Variants in DNER observed in about 807,000 individuals in gnomAD.
DNER encodes delta/notch like EGF repeat containing.
A neutral mutation model predicts 78.2 loss-of-function variants in DNER; 33 were observed. The ratio of observed to expected loss-of-function variants is 0.42; its 90% CI spans 0.32 to 0.56. The LOEUF (loss-of-function observed/expected upper bound fraction) is 0.56. DNER is among the 20% of genes least tolerant of loss of function. The pLI, the probability that DNER is intolerant of heterozygous loss-of-function variation, is 0.11. For synonymous variants in DNER, 417 were observed against 384.8 expected, an observed-to-expected ratio of 1.08 and a Z score of -0.98; for missense variants, 918 against 975.3, an observed-to-expected ratio of 0.94 and a Z score of 0.78.
chr2:229,653,301 T>G (rs1698852651), intron 1 of DNER, among the ~76,000 whole-genome samples: 1 of 152,218 alleles, frequency 6.6e-6, no homozygotes, highest in African/African-American at 2.4e-5. Flanking sequence ...ACACCTCTGC[T>G]GGGCAGAGCA....
intron 1 of DNER, among the ~76,000 whole-genome samples, chr2:229,622,082 T>C (rs1399593203): frequency 2.0e-5 from 3 of 152,124 alleles, no homozygotes; most frequent in South Asian, 2.1e-4. Flanking sequence ...CGAGACTCCG[T>C]CTCAAAAAAA....
intron 1 of DNER, among the ~76,000 whole-genome samples, chr2:229,610,963 A>G (rs758619617): frequency 5.3e-5 from 8 of 152,256 alleles, no homozygotes; most frequent in Non-Finnish European, 8.8e-5. Flanking sequence ...TTCACAAACT[A>G]CTAGCTAGAA....
chr2:229,600,988 G>A (rs1475822208), intron 1 of DNER, among the ~76,000 whole-genome samples: 1 of 152,184 alleles, frequency 6.6e-6, no homozygotes, highest in African/African-American at 2.4e-5. Context: ...ATTGCCACCT[G>A]GAGGTACTGT....
chr2:229,403,261 T>TTA (rs1693307519), intron 10 of DNER, among the ~76,000 whole-genome samples: 1 of 152,170 alleles, frequency 6.6e-6, no homozygotes, highest in African/African-American at 2.4e-5. Context: ...ACCATACTCC[T>TTA]TGTATGGAAG....
At chr2:229,627,452 A>G (rs1485749810) in intron 1 of DNER, among the ~76,000 whole-genome samples, 2 of 152,204 alleles carry the variant, frequency 1.3e-5, no homozygotes, top group Non-Finnish European at 2.9e-5. Context: ...ACCACTTGGT[A>G]CCCAACCTTT....
chr2:229,702,988 T>C (rs1699773329), intron 1 of DNER, among the ~76,000 whole-genome samples: 1 of 151,978 alleles, frequency 6.6e-6, no homozygotes, highest in Admixed American at 6.6e-5. Flanking sequence ...GGAGGATTCT[T>C]GTCATCTCAA....
chr2:229,366,523 CTGTT>C (rs1212067329), intron 12 of DNER, among the ~76,000 whole-genome samples: 2 of 152,176 alleles, frequency 1.3e-5, no homozygotes, highest in Non-Finnish European at 2.9e-5. Flanking sequence ...TATATGTTGA[CTGTT>C]TGAAGAGCAA....
chr2:229,670,024 C>T (rs565592146), intron 1 of DNER, among the ~76,000 whole-genome samples: 1 of 152,280 alleles, frequency 6.6e-6, no homozygotes, highest in Non-Finnish European at 1.5e-5. Flanking sequence ...GCTGCTGAGC[C>T]AGACTCTGGT....
At chr2:229,543,872 G>A (rs1314205624) in intron 5 of DNER, among the ~76,000 whole-genome samples, 7 of 152,158 alleles carry the variant, frequency 4.6e-5, no homozygotes, top group South Asian at 2.1e-4. Flanking sequence ...TCTTTCTTCC[G>A]TTACCTAACT....
At chr2:229,445,079 TC>T (rs1694313192) in intron 8 of DNER, among the ~76,000 whole-genome samples, 1 of 152,166 alleles carries the variant, frequency 6.6e-6, no homozygotes, top group East Asian at 1.9e-4. Flanking sequence ...TGTTACGACA[TC>T]CAGAGCAGAG....
At position 229,388,262 on chromosome 2, in the gene DNER, T is replaced by TA; in HGVS notation, c.1855+2dup. On this transcript the variant is annotated splice_region_variant and intron_variant, in intron 11 of 12. Coordinates refer to ENST00000341772, the MANE Select transcript of DNER (RefSeq NM_139072.4). The stretch of plus-strand genomic sequence containing the variant: ...ACAGTGGCTGAGCTGCAGAAATACT[T>TA]ACGGATCTCACAGTTTGCTCCCACC... 1.9e-6 allele frequency: 3 copies of TA among 1,605,642 alleles called. No homozygotes were observed. Among genetic ancestry groups the TA allele is most frequent in the South Asian group, 1.1e-5 (1 of 89,972 alleles).
chr2:229,486,475 T>C (rs1160370035), intron 6 of DNER, among the ~76,000 whole-genome samples: 1 of 151,650 alleles, frequency 6.6e-6, no homozygotes, highest in Non-Finnish European at 1.5e-5. Flanking sequence ...AGAGGCACAG[T>C]GGGAAGGACA....
chr2:229,532,657 C>T (rs926555305), intron 5 of DNER, among the ~76,000 whole-genome samples: 7 of 152,194 alleles, frequency 4.6e-5, no homozygotes, highest in Non-Finnish European at 7.3e-5. Flanking sequence ...CCAGGGAAGC[C>T]GACCAATTTC....
chr2:229,661,984 TC>T (rs748741724), intron 1 of DNER, among the ~76,000 whole-genome samples: 3 of 152,182 alleles, frequency 2.0e-5, no homozygotes, highest in African/African-American at 4.8e-5. Context: ...GATTTTCTTG[TC>T]CATAACATCA....
chr2:229,411,328 G>A (rs1391754454), intron 9 of DNER, among the ~76,000 whole-genome samples: 1 of 152,074 alleles, frequency 6.6e-6, no homozygotes, highest in African/African-American at 2.4e-5. Flanking sequence ...AGGCCAACGC[G>A]GGCAGATCAC....
intron 5 of DNER, among the ~76,000 whole-genome samples, chr2:229,536,411 C>T (rs1004455280): frequency 1.3e-5 from 2 of 152,112 alleles, no homozygotes; most frequent in African/African-American, 4.8e-5. Flanking sequence ...ATGAATGAAT[C>T]CTCCAAGGTG....
chr2:229,678,237 C>T (rs75967091), intron 1 of DNER, among the ~76,000 whole-genome samples: 3,270 of 152,240 alleles, frequency 0.021, 106 homozygotes, highest in Middle Eastern at 0.065. Flanking sequence ...GGGTTAGTGT[C>T]CCCTTCGTAT....
chr2:229,519,787 C>T (rs76311377), intron 5 of DNER, among the ~76,000 whole-genome samples: 2,397 of 152,184 alleles, frequency 0.016, 63 homozygotes, highest in African/African-American at 0.054. Context: ...CAAATAACCC[C>T]GGCAATGGTG....
chr2:229,714,116 C>T (rs1289252191), intron 1 of DNER, 32 bp downstream of exon 1: 5 of 1,274,620 alleles, frequency 3.9e-6, no homozygotes, highest in South Asian at 5.0e-5. Context: ...CCCGGACCAG[C>T]GCCCCGCACC....
Sources: allele counts gnomAD v4.1 joint callset (sites outside exome capture counted in the v4.1 genomes callset), GRCh38; gene constraint gnomAD v4.1.1; transcripts MANE v1.5; gene names NCBI Gene and HGNC (gene_info 2026-07-23, HGNC 2026-07-21).